BANK1: variants seen among roughly 807,000 people sequenced by gnomAD.
The protein encoded by BANK1 is B cell scaffold protein with ankyrin repeats 1, also known as B-cell scaffold protein with ankyrin repeats.
Under a neutral mutation model 94.5 loss-of-function variants are expected in BANK1, and 95 were observed. That is an observed-to-expected ratio of 1.00 (90% CI 0.85 to 1.19). BANK1 has a LOEUF of 1.19. Among genes scored for constraint, BANK1 ranks in the 50% most tolerant of loss-of-function variants. The pLI, the probability that BANK1 is intolerant of heterozygous loss-of-function variation, is 0.00. For synonymous variants in BANK1, 334 were observed against 308.4 expected, an observed-to-expected ratio of 1.08 and a Z score of -0.87; for missense variants, 987 against 932.2, an observed-to-expected ratio of 1.06 and a Z score of -0.77.
intron 7 of BANK1, among the ~76,000 whole-genome samples, chr4:101,922,740 A>G (rs184322886): frequency 2.6e-5 from 4 of 151,974 alleles, no homozygotes; most frequent in African/African-American, 7.2e-5. Context: ...CTTTTATTCA[A>G]TATTGATGTT....
chr4:102,033,326 GGGGC>G (rs1402343908), intron 10 of BANK1, among the ~76,000 whole-genome samples: 2 of 152,188 alleles, frequency 1.3e-5, no homozygotes, highest in Non-Finnish European at 2.9e-5. Flanking sequence ...GAAAGAACTT[GGGGC>G]CATGACTGGT....
intron 3 of BANK1, among the ~76,000 whole-genome samples, chr4:101,858,150 G>A (rs958863937): frequency 2.0e-5 from 3 of 152,056 alleles, no homozygotes; most frequent in Admixed American, 2.0e-4. Context: ...CCATTACACC[G>A]GCAAACTCCC....
chr4:102,055,305 C>A (rs972218649), intron 11 of BANK1, among the ~76,000 whole-genome samples: 8 of 151,656 alleles, frequency 5.3e-5, no homozygotes, highest in African/African-American at 1.9e-4. Context: ...ATGAAAAAGA[C>A]AAAATTATAG....
chr4:101,847,005 A>G (rs1396188070), intron 2 of BANK1, among the ~76,000 whole-genome samples: 2 of 152,134 alleles, frequency 1.3e-5, no homozygotes, highest in Non-Finnish European at 2.9e-5. Context: ...CCCTGTCAGC[A>G]TCTGCTGCGC....
At position 101,944,021 on chromosome 4, in the gene BANK1, T is replaced by G. The variant is rs551858804; in HGVS notation, c.1206+25832T>G. ...GATAACCAGTAAATGTGTGTGTGTG[T>G]TTGTGTGTGTGTGTGTGTGAGAGAG... On this transcript the variant is annotated intron_variant, in intron 7 of 16. Transcript: ENST00000322953. Among the ~76,000 whole-genome samples, 1,122 of 126,390 alleles carry G rather than the reference T, an allele frequency of 8.9e-3. 7 individuals carry two copies. Among genetic ancestry groups the G allele is most frequent in the Non-Finnish European group, 0.013 (703 of 54,648 alleles). 82.9% of individuals were successfully genotyped at this position (126,390 alleles called of 152,430 possible).
chr4:101,944,062 G>C (rs563938392), intron 7 of BANK1, among the ~76,000 whole-genome samples: 152 of 151,476 alleles, frequency 1.0e-3, no homozygotes, highest in South Asian at 3.7e-3. Context: ...GAGAGAGAGA[G>C]AGACAGACAG....
In BANK1 at chr4:101,855,066, A is replaced by G. The variant is rs753514077; in HGVS notation, c.501A>G (p.Pro167=). Residue 167 remains proline, a synonymous_variant, in exon 3 of 17, where the codon CCA becomes CCG. Transcript: ENST00000322953. ...DSEDYFEVNI[P]TDLRAKHSGE... ...AAGACTACTTTGAGGTCAACATTCC[A>G]ACAGACCTACGAGCAAAACATTCTG... 46 of 1,613,024 alleles carry G rather than the reference A, an allele frequency of 2.9e-5. No individual in the cohort carries two copies. Among genetic ancestry groups the G allele is most frequent in the South Asian group, 1.5e-4 (14 of 91,020 alleles).
At chr4:101,895,466 A>G (rs1722041378) in intron 6 of BANK1, 56 bp downstream of exon 6, 1 of 1,081,546 alleles carries the variant, frequency 9.2e-7, no homozygotes, top group African/African-American at 1.6e-5. Flanking sequence ...ATTCTATGTA[A>G]CTCTTTAATG....
chr4:101,882,287 A>G (rs1431902167), intron 5 of BANK1, among the ~76,000 whole-genome samples: 2 of 152,184 alleles, frequency 1.3e-5, no homozygotes, highest in Non-Finnish European at 2.9e-5. Context: ...GCCCTCTTAA[A>G]ATACTTTGTT....
intron 7 of BANK1, among the ~76,000 whole-genome samples, chr4:102,008,689 A>T (rs957953433): frequency 6.6e-6 from 1 of 152,226 alleles, no homozygotes; most frequent in African/African-American, 2.4e-5. Flanking sequence ...TGTGAAACTT[A>T]TATTTTCTTA....
At chr4:101,991,439 T>C (rs1311842943) in intron 7 of BANK1, among the ~76,000 whole-genome samples, 1 of 152,220 alleles carries the variant, frequency 6.6e-6, no homozygotes, top group Admixed American at 6.5e-5. Flanking sequence ...GTTTTTGTTT[T>C]TGTTTTGTTT....
intron 7 of BANK1, among the ~76,000 whole-genome samples, chr4:101,973,699 C>T (rs1725030685): frequency 6.6e-6 from 1 of 151,968 alleles, no homozygotes; most frequent in Non-Finnish European, 1.5e-5. Context: ...TCCCCAGAGT[C>T]ACATATAATA....
chr4:101,968,587 C>G (rs865932318), intron 7 of BANK1, among the ~76,000 whole-genome samples: 7 of 151,500 alleles, frequency 4.6e-5, no homozygotes, highest in Non-Finnish European at 1.0e-4. Flanking sequence ...GAGGGGCAGA[C>G]AAGTAAGAAG....
chr4:101,829,964 C>T lies in BANK1; in HGVS notation c.227C>T (p.Thr76Met), dbSNP rs140410485. Residue 76 changes from threonine to methionine, a missense_variant, in exon 2 of 17, where the codon ACG becomes ATG. Transcript: ENST00000322953. ...SFRHLELLNL[T>M]SYKCKLLILS... ...CGGCATTTGGAGTTGCTGAACTTAACGTCTTACAAATGTAAACTTTTGATA... is the reference window on the plus strand; with the variant it reads ...CGGCATTTGGAGTTGCTGAACTTAATGTCTTACAAATGTAAACTTTTGATA... 5.0e-6 allele frequency: 8 copies of T among 1,613,738 alleles called. No individual in the cohort carries two copies. The highest frequency in any genetic ancestry group is 2.7e-5 in the African/African-American group (2 of 74,904).
At chr4:101,853,801 G>C (rs1016761342) in intron 2 of BANK1, among the ~76,000 whole-genome samples, 1 of 152,112 alleles carries the variant, frequency 6.6e-6, no homozygotes, top group Non-Finnish European at 1.5e-5. Flanking sequence ...CAAACTAGGA[G>C]GAGTGGATCA....
intron 10 of BANK1, among the ~76,000 whole-genome samples, chr4:102,034,221 G>C (rs188542786): frequency 2.6e-5 from 4 of 152,286 alleles, no homozygotes. Flanking sequence ...ATAGAAGATA[G>C]AGGAAAAATA....
At chr4:101,824,936 A>G (rs866093851) in intron 1 of BANK1, among the ~76,000 whole-genome samples, 2 of 152,304 alleles carry the variant, frequency 1.3e-5, no homozygotes, top group Middle Eastern at 3.4e-3. Context: ...AATTGTTGAT[A>G]TAAATTATTG....
chr4:101,961,631 A>C (rs776183992), intron 7 of BANK1, among the ~76,000 whole-genome samples: 2 of 152,104 alleles, frequency 1.3e-5, no homozygotes, highest in African/African-American at 4.8e-5. Context: ...TTTTAAGGCA[A>C]TTCTACAGCA....
At chr4:101,866,105 A>G (rs761974310) in intron 4 of BANK1, among the ~76,000 whole-genome samples, 9 of 152,204 alleles carry the variant, frequency 5.9e-5, no homozygotes, top group Non-Finnish European at 1.0e-4. Context: ...TATGACATAC[A>G]TGGAAAATGT....
Sources: allele counts gnomAD v4.1 joint callset (sites outside exome capture counted in the v4.1 genomes callset), GRCh38; gene constraint gnomAD v4.1.1; transcripts MANE v1.5; gene names NCBI Gene and HGNC (gene_info 2026-07-23, HGNC 2026-07-21).